MAPKAP1: variants seen among roughly 807,000 people sequenced by gnomAD.
MAPKAP1 encodes the protein target of rapamycin complex 2 subunit MAPKAP1.
A neutral mutation model predicts 65.7 loss-of-function variants in MAPKAP1; 20 were observed. That is an observed-to-expected ratio of 0.30 (90% CI 0.21 to 0.44). The LOEUF is 0.44. Among genes scored for constraint, MAPKAP1 ranks in the 20% least tolerant of loss-of-function variants. The pLI is 1.00. For missense variants in MAPKAP1, 423 were observed against 648.0 expected (o/e 0.65, Z 3.77); for synonymous variants, 222 against 244.3 (o/e 0.91, Z 0.85).
intron 1 of MAPKAP1, among the ~76,000 whole-genome samples, chr9:125,693,699 G>C (rs200652213): frequency 1.6e-5 from 1 of 60,994 alleles, no homozygotes; most frequent in Non-Finnish European, 3.1e-5. Flanking sequence ...ATATATACAC[G>C]TATATATACA....
intron 7 of MAPKAP1, among the ~76,000 whole-genome samples, chr9:125,516,442 CAG>C (rs1829463938): frequency 6.6e-6 from 1 of 152,174 alleles, no homozygotes; most frequent in Non-Finnish European, 1.5e-5. Context: ...TTAAGAGTAA[CAG>C]AGCCTAAATA....
intron 8 of MAPKAP1, among the ~76,000 whole-genome samples, chr9:125,486,950 T>G (rs1418098239): frequency 1.3e-5 from 2 of 152,202 alleles, no homozygotes; most frequent in African/African-American, 4.8e-5. Context: ...AGAACAGTTA[T>G]CACAGGGAGT....
intron 7 of MAPKAP1, among the ~76,000 whole-genome samples, chr9:125,530,602 C>T (rs1829907156): frequency 6.6e-6 from 1 of 152,108 alleles, no homozygotes; most frequent in Non-Finnish European, 1.5e-5. Flanking sequence ...TTAATCCATC[C>T]CTATAGATAT....
intron 4 of MAPKAP1, among the ~76,000 whole-genome samples, chr9:125,591,826 G>T (rs1831975016): frequency 1.3e-5 from 2 of 152,084 alleles, no homozygotes; most frequent in South Asian, 2.1e-4. Flanking sequence ...GTGACCGAAG[G>T]ATTAAAAGTA....
At chr9:125,579,464 T>C (rs945458381) in intron 5 of MAPKAP1, among the ~76,000 whole-genome samples, 1 of 152,172 alleles carries the variant, frequency 6.6e-6, no homozygotes, top group African/African-American at 2.4e-5. Context: ...GCTAATTTTT[T>C]GTATATTTTG....
chr9:125,494,795 C>G (rs1261959616), intron 8 of MAPKAP1, among the ~76,000 whole-genome samples: 2 of 152,178 alleles, frequency 1.3e-5, no homozygotes, highest in African/African-American at 4.8e-5. Context: ...TCTTCTTACT[C>G]AAGCCTCTCA....
intron 10 of MAPKAP1, among the ~76,000 whole-genome samples, chr9:125,466,346 T>G (rs900170585): frequency 1.3e-5 from 2 of 152,062 alleles, no homozygotes; most frequent in African/African-American, 4.8e-5. Flanking sequence ...AGCACTGCCA[T>G]AGGGGACAGG....
chr9:125,577,779 G>A (rs2793136), intron 5 of MAPKAP1, among the ~76,000 whole-genome samples: 1 of 130,726 alleles, frequency 7.6e-6, no homozygotes, highest in Non-Finnish European at 1.6e-5. Flanking sequence ...CCCCTCTGCC[G>A]GGCCAGCCGC....
intron 5 of MAPKAP1, among the ~76,000 whole-genome samples, chr9:125,584,459 A>G (rs748263752): frequency 2.0e-5 from 3 of 152,140 alleles, no homozygotes; most frequent in Non-Finnish European, 4.4e-5. Context: ...CCTTCTTTTG[A>G]GATGGAGTCT....
intron 3 of MAPKAP1, among the ~76,000 whole-genome samples, chr9:125,662,902 C>T (rs911734068): frequency 2.0e-5 from 3 of 151,926 alleles, no homozygotes; most frequent in African/African-American, 7.3e-5. Context: ...CATATAGTAG[C>T]TGGGATTTGC....
At chr9:125,619,059 G>A (rs1013990199) in intron 4 of MAPKAP1, among the ~76,000 whole-genome samples, 1 of 152,182 alleles carries the variant, frequency 6.6e-6, no homozygotes, top group Non-Finnish European at 1.5e-5. Context: ...TTTGAGCCCA[G>A]AAGGTCAAGG....
chr9:125,581,187 T>C (rs1831613555), intron 5 of MAPKAP1, among the ~76,000 whole-genome samples: 2 of 152,270 alleles, frequency 1.3e-5, no homozygotes, highest in Non-Finnish European at 2.9e-5. Context: ...TTTATGTGAA[T>C]GTAAGTTTTC....
rs538961431 is a variant in MAPKAP1 at position 125,615,830 on chromosome 9, T to C, written c.499-30103A>G. 4.8e-4 allele frequency among the ~76,000 whole-genome samples: 73 copies of C among 151,682 alleles called. 1 individual carries two copies. The highest frequency in any genetic ancestry group is 9.3e-4 in the Non-Finnish European group (63 of 67,914). On this transcript the variant is annotated intron_variant, in intron 4 of 11. Transcript: ENST00000265960. ...CAGGAGGCTGAGGCACGAGAATCAC[T>C]TGATGTTGCAGAGGCGGATGTTGCA...
rs376094675 is a variant in MAPKAP1 at position 125,491,381 on chromosome 9, C to T, written c.1067-6798G>A. ...ACTTGAGCCCAGGAGGTTGAGGCTA[C>T]AGTGAGCTGTGATCACGCCACTGCA... On this transcript the variant is annotated intron_variant, in intron 8 of 11. Coordinates refer to ENST00000265960, the MANE Select transcript of MAPKAP1 (RefSeq NM_001006617.3). Among the ~76,000 whole-genome samples the T allele has an allele frequency of 4.2e-4, 64 of 151,530 alleles. No homozygotes were observed. In the South Asian group the frequency reaches 0.013, roughly 30 times the overall value.
intron 5 of MAPKAP1, 137 bp from the exon 6 acceptor site, chr9:125,559,946 C>T: frequency 1.3e-6 from 1 of 758,856 alleles, no homozygotes; most frequent in South Asian, 2.1e-5. Flanking sequence ...TAAAAAATCC[C>T]AAATCCTACT....
At chr9:125,624,830 G>A (rs1589357267) in intron 4 of MAPKAP1, among the ~76,000 whole-genome samples, 2 of 86,634 alleles carry the variant, frequency 2.3e-5, no homozygotes, top group Non-Finnish European at 4.9e-5. Flanking sequence ...TTGAGAGATC[G>A]GATGGTTGCC....
At chr9:125,466,251 C>T (rs889859647) in intron 10 of MAPKAP1, among the ~76,000 whole-genome samples, 1 of 152,078 alleles carries the variant, frequency 6.6e-6, no homozygotes, top group African/African-American at 2.4e-5. Context: ...AAGGGGAGGC[C>T]TTATGCCCAA....
intron 5 of MAPKAP1, among the ~76,000 whole-genome samples, chr9:125,581,196 T>C (rs1589309114): frequency 6.6e-6 from 1 of 152,374 alleles, no homozygotes; most frequent in Non-Finnish European, 1.5e-5. Flanking sequence ...ATGTAAGTTT[T>C]CACTGCTCTG....
At chr9:125,483,187 C>T (rs1485919523) in intron 9 of MAPKAP1, among the ~76,000 whole-genome samples, 1 of 152,114 alleles carries the variant, frequency 6.6e-6, no homozygotes, top group East Asian at 1.9e-4. Flanking sequence ...AGCAACCCTG[C>T]GTCATTGGTA....
Sources: allele counts gnomAD v4.1 joint callset (sites outside exome capture counted in the v4.1 genomes callset), GRCh38; gene constraint gnomAD v4.1.1; transcripts MANE v1.5; gene names NCBI Gene and HGNC (gene_info 2026-07-23, HGNC 2026-07-21).